The following EXOC6B variants were observed in gnomAD, a reference collection of about 807,000 sequenced individuals.
EXOC6B encodes SEC15 homolog B.
Under a neutral mutation model 113.5 loss-of-function variants are expected in EXOC6B, and 54 were observed. The observed-to-expected ratio is 0.48, with a 90% CI of 0.38 to 0.60. EXOC6B has a LOEUF of 0.60. Ranked by LOEUF, EXOC6B falls within the 20% of genes least tolerant of loss-of-function variation. The pLI, the probability that EXOC6B is intolerant of heterozygous loss-of-function variation, is 0.00. For missense variants in EXOC6B, 797 were observed against 977.5 expected, an observed-to-expected ratio of 0.82 and a Z score of 2.46; for synonymous variants, 357 against 339.0, an observed-to-expected ratio of 1.05 and a Z score of -0.58.
At chr2:72,818,451 G>A (rs551449638) in intron 1 of EXOC6B, among the ~76,000 whole-genome samples, 34 of 151,246 alleles carry the variant, frequency 2.2e-4, no homozygotes, top group Non-Finnish European at 4.1e-4. Context: ...GTGAGCCACC[G>A]TGCCAGGCCA....
chr2:72,451,656 G>C (rs904022005), intron 18 of EXOC6B, among the ~76,000 whole-genome samples: 1 of 135,618 alleles, frequency 7.4e-6, no homozygotes, highest in Non-Finnish European at 1.6e-5. Context: ...CTTTGTGCCT[G>C]TGTGTGTGTG....
intron 1 of EXOC6B, among the ~76,000 whole-genome samples, chr2:72,763,569 C>T (rs990368887): frequency 4.6e-5 from 7 of 151,652 alleles, no homozygotes; most frequent in Admixed American, 3.9e-4. Flanking sequence ...ACTACAGGTG[C>T]GTGCCACCAC....
intron 6 of EXOC6B, among the ~76,000 whole-genome samples, chr2:72,692,251 C>T (rs1482860531): frequency 6.6e-6 from 1 of 151,924 alleles, no homozygotes; most frequent in Non-Finnish European, 1.5e-5. Context: ...GATATGATTA[C>T]TATATGATTA....
At chr2:72,184,858 C>T (rs1678321209) in intron 20 of EXOC6B, among the ~76,000 whole-genome samples, 1 of 152,100 alleles carries the variant, frequency 6.6e-6, no homozygotes, top group Non-Finnish European at 1.5e-5. Flanking sequence ...GAAATCAGGG[C>T]CATAGTAGAT....
intron 20 of EXOC6B, among the ~76,000 whole-genome samples, chr2:72,224,994 G>GTGTGTGTATATATATATATATA (rs908047817): frequency 2.2e-5 from 3 of 137,254 alleles, no homozygotes; most frequent in African/African-American, 5.3e-5. Flanking sequence ...GTGTGTGTGT[G>GTGTGTGTATATATATATATATA]TATATATATA....
At chr2:72,521,824 G>A (rs1157451902) in intron 8 of EXOC6B, among the ~76,000 whole-genome samples, 2 of 152,136 alleles carry the variant, frequency 1.3e-5, no homozygotes, top group African/African-American at 4.8e-5. Flanking sequence ...AGCCTCCTGA[G>A]TAGCTGGGAC....
In EXOC6B at chr2:72,804,440, T is replaced by C. The variant is rs1685464539; in HGVS notation, c.113+21358A>G. Reference sequence around the variant, plus strand: ...TGACAACATACTGATTTGGATAAAATGTCATTTAAAAATTTTATCTGATGA... The same window carrying C: ...TGACAACATACTGATTTGGATAAAACGTCATTTAAAAATTTTATCTGATGA... On this transcript the variant is annotated intron_variant, in intron 1 of 21. Transcript: ENST00000272427. 2.6e-5 allele frequency among the ~76,000 whole-genome samples: 4 copies of C among 152,100 alleles called. No individual in the cohort carries two copies. The South Asian group carries it at 6.2e-4, about 24-fold the overall frequency.
intron 8 of EXOC6B, among the ~76,000 whole-genome samples, chr2:72,548,015 A>T (rs566373771): frequency 2.0e-5 from 3 of 152,154 alleles, no homozygotes; most frequent in African/African-American, 7.2e-5. Context: ...AAATGATTCC[A>T]TAAAATACTT....
In EXOC6B at chr2:72,600,000, T is replaced by C. The variant is rs146444427; in HGVS notation, c.670-24332A>G. On this transcript the variant is annotated intron_variant, in intron 6 of 21. Transcript: ENST00000272427. Reference sequence around the variant, plus strand: ...ATCTAAAGATTCAACACAATTCCAATAGAAAATTCTAGTAAGTTATTTTGT... The same window carrying C: ...ATCTAAAGATTCAACACAATTCCAACAGAAAATTCTAGTAAGTTATTTTGT... 3.3e-5 allele frequency among the ~76,000 whole-genome samples: 5 copies of C among 152,198 alleles called. No individual in the cohort carries two copies. In the South Asian group the frequency reaches 6.2e-4, roughly 19 times the overall value.
chr2:72,400,768 A>C (rs926647610), intron 18 of EXOC6B, among the ~76,000 whole-genome samples: 2 of 152,100 alleles, frequency 1.3e-5, no homozygotes, highest in African/African-American at 4.8e-5. Context: ...CAAAATAACT[A>C]TTATTAAAAA....
intron 1 of EXOC6B, among the ~76,000 whole-genome samples, chr2:72,807,607 C>T (rs1326419615): frequency 6.6e-6 from 1 of 152,092 alleles, no homozygotes; most frequent in African/African-American, 2.4e-5. Flanking sequence ...TGTCCATCAA[C>T]AGATGAATGG....
chr2:72,475,415 A>C (rs1035167453), intron 17 of EXOC6B, among the ~76,000 whole-genome samples: 1 of 152,170 alleles, frequency 6.6e-6, no homozygotes, highest in African/African-American at 2.4e-5. Flanking sequence ...CTCCAGGCAC[A>C]CAGGTGGTGT....
chr2:72,326,621 G>A (rs370154941), intron 20 of EXOC6B, among the ~76,000 whole-genome samples: 15 of 152,094 alleles, frequency 9.9e-5, no homozygotes, highest in African/African-American at 3.1e-4. Flanking sequence ...CTGGCACCAC[G>A]TCCACATCAA....
At chr2:72,681,929 C>T (rs1421786754) in intron 6 of EXOC6B, among the ~76,000 whole-genome samples, 2 of 151,612 alleles carry the variant, frequency 1.3e-5, no homozygotes, top group Non-Finnish European at 2.9e-5. Flanking sequence ...TAAATCCCTT[C>T]TCTCCACTAG....
At chr2:72,463,496 A>G (rs997689372) in intron 18 of EXOC6B, 1 of 152,060 alleles carries the variant, frequency 6.6e-6, no homozygotes, top group African/African-American at 2.4e-5. Context: ...AACGTAGACA[A>G]GGGCAACAGA....
intron 8 of EXOC6B, among the ~76,000 whole-genome samples, chr2:72,547,062 T>TA (rs1459278410): frequency 1.3e-5 from 2 of 152,226 alleles, no homozygotes; most frequent in South Asian, 2.1e-4. Flanking sequence ...TGCATGCACA[T>TA]ATGTGCATTT....
rs527535196 is a variant in EXOC6B, at chr2:72,192,484, C to A, written c.2197-8297G>T. ...TCCCAGACATTTGAATTCAAGGTTCCAATGGAAGACACCTATGACTAGTGA... is the reference window on the plus strand; with the variant it reads ...TCCCAGACATTTGAATTCAAGGTTCAAATGGAAGACACCTATGACTAGTGA... On this transcript the variant is annotated intron_variant, in intron 20 of 21. Transcript: ENST00000272427. Among the ~76,000 whole-genome samples, 19 of 152,228 alleles carry A rather than the reference C, an allele frequency of 1.2e-4. No individual in the cohort carries two copies. In the South Asian group the frequency reaches 3.5e-3, roughly 28 times the overall value.
intron 17 of EXOC6B, among the ~76,000 whole-genome samples, chr2:72,478,685 A>G (rs1698893575): frequency 6.6e-6 from 1 of 152,174 alleles, no homozygotes; most frequent in South Asian, 2.1e-4. Flanking sequence ...GAGCAACAAC[A>G]AAATACACAA....
intron 18 of EXOC6B, among the ~76,000 whole-genome samples, chr2:72,421,915 C>T (rs1017475117): frequency 2.0e-5 from 3 of 152,234 alleles, no homozygotes; most frequent in African/African-American, 7.2e-5. Context: ...CGGCCCCGCA[C>T]TCAGAGCAGC....
Sources: gnomAD v4.1 joint callset for allele counts (sites outside exome capture counted in the v4.1 genomes callset) on GRCh38, gnomAD v4.1.1 for gene constraint, MANE v1.5 for transcripts, NCBI Gene and HGNC (gene_info 2026-07-23, HGNC 2026-07-21) for gene names.